ITIH4: variants seen among roughly 807,000 people sequenced by gnomAD.
ITIH4 encodes inter-alpha-trypsin inhibitor heavy chain 4.
A neutral mutation model predicts 111.8 loss-of-function variants in ITIH4; 79 were observed. The ratio of observed to expected loss-of-function variants is 0.71; its 90% CI spans 0.59 to 0.85. The LOEUF (loss-of-function observed/expected upper bound fraction) is 0.85, where lower values mean the gene tolerates loss of function less well. ITIH4 is among the 40% of genes least tolerant of loss of function. The pLI, the probability that ITIH4 is intolerant of heterozygous loss-of-function variation, is 0.00. For missense variants in ITIH4, 1,065 were observed against 1,195.8 expected, an observed-to-expected ratio of 0.89 and a Z score of 1.61; for synonymous variants, 472 against 468.3, an observed-to-expected ratio of 1.01 and a Z score of -0.10.
intron 2 of ITIH4, among the ~76,000 whole-genome samples, chr3:52,827,961 G>C (rs550326675): frequency 1.1e-4 from 17 of 152,268 alleles, no homozygotes; most frequent in Admixed American, 1.1e-3. Context: ...GGGCAGGAGG[G>C]GGAGCAGCCA....
intron 20 of ITIH4, among the ~76,000 whole-genome samples, chr3:52,817,677 C>T (rs1196604493): frequency 6.6e-6 from 1 of 152,224 alleles, no homozygotes; most frequent in African/African-American, 2.4e-5. Flanking sequence ...ACTCTGCAGG[C>T]ACTAACTCCT....
At chr3:52,820,532 G>A in intron 13 of ITIH4, 99 bp downstream of exon 13, 6 of 1,411,750 alleles carry the variant, frequency 4.3e-6, no homozygotes, top group South Asian at 1.3e-5. Flanking sequence ...TCTGTTGGGG[G>A]CACGGTTGGG....
At chr3:52,817,634 A>G (rs1476356845) in intron 20 of ITIH4, among the ~76,000 whole-genome samples, 1 of 152,012 alleles carries the variant, frequency 6.6e-6, no homozygotes, top group African/African-American at 2.4e-5. Flanking sequence ...CCCCTCATCC[A>G]CACCTTCTAG....
Position 52,818,530 on chromosome 3 carries a change from G to A in ITIH4, c.2084C>T (p.Ala695Val), listed in dbSNP as rs776715715. Residue 695 changes from alanine to valine, a missense_variant, in exon 18 of 24, where the codon GCT (alanine) becomes GTT (valine). Coordinates refer to ENST00000266041, the MANE Select transcript of ITIH4 (RefSeq NM_002218.5). ...ATTTGAGGTGGCTGGTGGTGCTGAA[G>A]CAGGCACTAGGGCAGGAACATCCGG... ...HPFRRLAILP[A>V]SAPPATSNPD... 6.2e-7 allele frequency: 1 copy of A among 1,602,406 alleles called. No homozygotes were observed. The highest frequency in any genetic ancestry group is 1.7e-5 in the Admixed American group (1 of 58,220).
At chr3:52,820,372 C>A in intron 13 of ITIH4, 55 bp from the exon 14 acceptor site, 1 of 1,578,304 alleles carries the variant, frequency 6.3e-7, no homozygotes. Flanking sequence ...CAGACAGACA[C>A]CGTCAGGGTG....
chr3:52,827,695 C>T (rs1295079831), intron 2 of ITIH4, among the ~76,000 whole-genome samples: 4 of 152,224 alleles, frequency 2.6e-5, no homozygotes, highest in Admixed American at 2.6e-4. Flanking sequence ...AGCACTTTCC[C>T]CCTACAGCAG....
At chr3:52,818,700 C>T (rs1700322813) in intron 17 of ITIH4, 164 bp from the exon 18 acceptor site, 2 of 648,760 alleles carry the variant, frequency 3.1e-6, no homozygotes, top group Non-Finnish European at 2.8e-6. Context: ...AGCATGCTGT[C>T]AGGGATAGGT....
chr3:52,824,217 GGAT>G lies in ITIH4; in HGVS notation c.1141_1143del (p.Ile381del). ...ACAGTGGGGTCGCCATCGGTGAGCA[GGAT>G]GATGAGTGAGACACTCCCTTCGGGC... is the stretch of plus-strand genomic sequence containing the variant. On this transcript the variant is annotated inframe_deletion, in exon 9 of 24. Coordinates refer to ENST00000266041, the MANE Select transcript of ITIH4 (RefSeq NM_002218.5). The surrounding 1 kb of genome is among the most constrained non-coding windows in gnomAD (Gnocchi z 4.3). 1.2e-6 allele frequency: 2 copies of G among 1,613,436 alleles called. No homozygotes were observed. The highest frequency in any genetic ancestry group is 2.2e-5 in the East Asian group (1 of 44,872).
Position 52,829,302 on chromosome 3 carries a change from G to A in ITIH4, c.91-23C>T, listed in dbSNP as rs748343548. 6.3e-6 allele frequency: 10 copies of A among 1,587,948 alleles called. No individual in the cohort carries two copies. The African/African-American group carries it at 1.1e-4, about 17-fold the overall frequency. ...ATTCTGGACCAGCAAAGAAGAAGGG[G>A]GTTGCAGGGTTTCAATGCCACCTCA... On this transcript the variant is annotated intron_variant, in intron 1 of 23. Coordinates refer to ENST00000266041, the MANE Select transcript of ITIH4 (RefSeq NM_002218.5).
chr3:52,814,312 G>T lies in ITIH4; in HGVS notation c.2523C>A (p.Asp841Glu). ...KTGLLLLSDP[D>E]KVTIGLLFWD... ...AGAACAACAGGCCGATGGTCACTTT[G>T]TCTGGGTCACTGAGCAGCAGGAGAC... is the stretch of plus-strand genomic sequence containing the variant. Residue 841 changes from aspartate to glutamate, a missense_variant, in exon 22 of 24, where the codon GAC (aspartate) becomes GAA (glutamate). By Grantham distance (45) the Asp-to-Glu change is conservative. Coordinates refer to ENST00000266041, the MANE Select transcript of ITIH4 (RefSeq NM_002218.5). The T allele has an allele frequency of 6.8e-6, 11 of 1,614,034 alleles. No individual in the cohort carries two copies. Among genetic ancestry groups the T allele is most frequent in the Non-Finnish European group, 9.3e-6 (11 of 1,179,980 alleles).
intron 2 of ITIH4, among the ~76,000 whole-genome samples, chr3:52,828,067 C>A (rs555110606): frequency 6.6e-6 from 1 of 152,306 alleles, no homozygotes; most frequent in African/African-American, 2.4e-5. Context: ...TGGCACTCCT[C>A]CCCCTGGGTA....
At chr3:52,814,134 G>A (rs1250994305) in intron 22 of ITIH4, 63 bp from the exon 23 acceptor site, 5 of 1,604,566 alleles carry the variant, frequency 3.1e-6, no homozygotes, top group Non-Finnish European at 4.3e-6. Flanking sequence ...GACACACGCA[G>A]GGGAGGGGCG....
At position 52,819,401 on chromosome 3, in the gene ITIH4, A is replaced by G; in HGVS notation, c.2069T>C (p.Leu690Pro). ...GCCGGAAGGCAGCTTACAGATGGCC[A>G]GACGGCGGAAGGGGTGGTAAGCAGC... ...DHAAYHPFRR[L>P]AILPASAPPA... Residue 690 changes from leucine (L) to proline (P), a missense_variant, in exon 17 of 24, where the codon CTG becomes CCG. Physicochemically the swap from Leu to Pro is moderately conservative, Grantham distance 98 (BLOSUM62 -3). Transcript: ENST00000266041. 1 of 1,614,020 alleles carries G rather than the reference A, an allele frequency of 6.2e-7. No homozygotes were observed. Among genetic ancestry groups the G allele is most frequent in the South Asian group, 1.1e-5 (1 of 91,084 alleles).
rs1326986043 is a variant in ITIH4 at position 52,819,413 on chromosome 3, G to A, written c.2057C>T (p.Pro686Leu). 1 of 1,614,132 alleles carries A rather than the reference G, an allele frequency of 6.2e-7. No individual in the cohort carries two copies. Among genetic ancestry groups the A allele is most frequent in the Non-Finnish European group, 8.5e-7 (1 of 1,179,990 alleles). ...CTTACAGATGGCCAGACGGCGGAAGGGGTGGTAAGCAGCATGGTCAGGAAC... is the reference window on the plus strand; with the variant it reads ...CTTACAGATGGCCAGACGGCGGAAGAGGTGGTAAGCAGCATGGTCAGGAAC... Reference protein sequence around the residue: ...PDVPDHAAYHPFRRLAILPAS... With the variant: ...PDVPDHAAYHLFRRLAILPAS... The change falls in exon 17 of 24, where the codon CCC becomes CTC. Residue 686 changes from proline (P) to leucine (L), a missense_variant. Pro to Leu is a moderately conservative substitution (Grantham distance 98, BLOSUM62 -3). Transcript: ENST00000266041.
chr3:52,823,798 C>T (rs558770202), intron 10 of ITIH4, 25 bp downstream of exon 10: 1 of 1,613,766 alleles, frequency 6.2e-7, no homozygotes, highest in Admixed American at 1.7e-5. Flanking sequence ...CTTCTCTGTG[C>T]AGCCCACCTG....
chr3:52,824,297 G>A lies in ITIH4; in HGVS notation c.1064C>T (p.Ala355Val), dbSNP rs1364413155. ...CAGCAACTGCACAGCCATCAGCATT[G>A]CATCATTGATGTTGGTCCCTGAGGA... is the stretch of plus-strand genomic sequence containing the variant. ...QALGGTNIND[A>V]MLMAVQLLDS... The change falls in exon 9 of 24, where the codon GCA becomes GTA. Residue 355 changes from alanine to valine, a missense_variant. Physicochemically the swap from Ala to Val is moderately conservative, Grantham distance 64. Transcript: ENST00000266041. This position sits in a 1 kb window ranked among gnomAD's most constrained non-coding sequence, Gnocchi z 4.3. The A allele has an allele frequency of 1.2e-6, 2 of 1,613,306 alleles. No homozygotes were observed. Among genetic ancestry groups the A allele is most frequent in the African/African-American group, 2.7e-5 (2 of 74,922 alleles).
intron 21 of ITIH4, among the ~76,000 whole-genome samples, chr3:52,815,992 T>G (rs566958810): frequency 2.4e-4 from 37 of 152,330 alleles, no homozygotes; most frequent in African/African-American, 8.9e-4. Flanking sequence ...GGCGTAGATC[T>G]TTTATGAAAT....
chr3:52,829,957 G>A (rs927521703), intron 1 of ITIH4: 2 of 201,442 alleles, frequency 9.9e-6, no homozygotes, highest in Non-Finnish European at 1.0e-5. Context: ...AGGGGCACAC[G>A]GGCACCTCTT....
rs117296855 is a variant in ITIH4, at chr3:52,830,469, C to T, written c.90+84G>A. 1.9e-4 allele frequency: 246 copies of T among 1,301,620 alleles called. 1 individual carries two copies. In the East Asian group the frequency reaches 2.9e-3, roughly 15 times the overall value. The allele number at this position is 1,301,620 out of a possible 1,614,324, so 80.6% of individuals were successfully genotyped here. On this transcript the variant is annotated intron_variant, in intron 1 of 23. Coordinates refer to ENST00000266041, the MANE Select transcript of ITIH4 (RefSeq NM_002218.5). The stretch of plus-strand genomic sequence containing the variant: ...GGATGCACACGCACTTGTGCTGACA[C>T]GCTGGCACATGCGGAGGCTCTTCCC...
Sources: allele counts gnomAD v4.1 joint callset (sites outside exome capture counted in the v4.1 genomes callset), GRCh38; gene constraint gnomAD v4.1.1; non-coding constraint Gnocchi (gnomAD v3.1); transcripts MANE v1.5; gene names NCBI Gene and HGNC (gene_info 2026-07-23, HGNC 2026-07-21).